The following MTUS2 variants were observed in gnomAD, a reference collection of about 807,000 sequenced individuals.
MTUS2 encodes the protein microtubule-associated tumor suppressor candidate 2.
A neutral mutation model predicts 114.1 loss-of-function variants in MTUS2; 40 were observed. The ratio of observed to expected loss-of-function variants is 0.35; its 90% CI spans 0.27 to 0.46. MTUS2 has a LOEUF of 0.46. MTUS2 is among the 20% of genes least tolerant of loss of function. The pLI is 1.00. For synonymous variants in MTUS2, 688 were observed against 672.0 expected (o/e 1.02, Z -0.37); for missense variants, 1,679 against 1,705.4 (o/e 0.98, Z 0.27).
intron 2 of MTUS2, among the ~76,000 whole-genome samples, chr13:28,862,266 A>G (rs1420083052): frequency 1.3e-5 from 2 of 152,224 alleles, no homozygotes; most frequent in African/African-American, 4.8e-5. Flanking sequence ...ATGATTACAT[A>G]GTAAATTAAC....
chr13:29,044,727 C>T (rs979642236), intron 4 of MTUS2, among the ~76,000 whole-genome samples: 8 of 152,288 alleles, frequency 5.3e-5, no homozygotes, highest in South Asian at 2.1e-4. Flanking sequence ...TTTACTAACT[C>T]ACAATTCTGT....
At chr13:29,311,828 TC>T (rs1174134461) in intron 6 of MTUS2, among the ~76,000 whole-genome samples, 1 of 152,172 alleles carries the variant, frequency 6.6e-6, no homozygotes, top group African/African-American at 2.4e-5. Flanking sequence ...TCAAAGGTAG[TC>T]TTATTTAGCC....
At chr13:29,079,372 C>G (rs917345190) in intron 4 of MTUS2, among the ~76,000 whole-genome samples, 1 of 151,858 alleles carries the variant, frequency 6.6e-6, no homozygotes, top group Non-Finnish European at 1.5e-5. Context: ...GTTTTTTTCT[C>G]TTTTTTGATA....
chr13:29,147,473 C>T (rs1892485220), intron 5 of MTUS2, among the ~76,000 whole-genome samples: 1 of 152,090 alleles, frequency 6.6e-6, no homozygotes, highest in Non-Finnish European at 1.5e-5. Flanking sequence ...GGTACATGTA[C>T]AGGTTTGTTA....
In MTUS2 at chr13:28,949,295, G is replaced by GGCAGC. The variant is rs1470929688; in HGVS notation, c.-242-75162_-242-75161insGCAGC. Among the ~76,000 whole-genome samples, 1,313 of 152,290 alleles carry GGCAGC rather than the reference G, an allele frequency of 8.6e-3. 16 individuals are homozygous for GGCAGC. The highest frequency in any genetic ancestry group is 0.029 in the African/African-American group (1,209 of 41,554). ...ATGGGCAGCTAGTTTACCCTGAATG[G>GGCAGC]TAGCCAGTGGCCTGCCTTGGGGCTC... is the stretch of plus-strand genomic sequence containing the variant. On this transcript the variant is annotated intron_variant, in intron 2 of 15. Transcript: ENST00000612955.
intron 9 of MTUS2, among the ~76,000 whole-genome samples, chr13:29,449,222 C>T (rs554147640): frequency 2.0e-4 from 30 of 152,194 alleles, no homozygotes; most frequent in African/African-American, 4.8e-4. Context: ...TTGATATTAA[C>T]GTATGGTAGG....
At position 29,437,367 on chromosome 13, in the gene MTUS2, T is replaced by G. The variant is rs182303124; in HGVS notation, c.3118-2616T>G. On this transcript the variant is annotated intron_variant, in intron 8 of 15. Coordinates refer to ENST00000612955, the MANE Select transcript of MTUS2 (RefSeq NM_001033602.4). ...GAACGTGTTTAGGAATTAGAGAATA[T>G]GAGTATTCAGAACTATTCTTGACAG... Among the ~76,000 whole-genome samples the G allele has an allele frequency of 1.6e-3, 238 of 152,286 alleles. 1 individual carries two copies. Among genetic ancestry groups the G allele is most frequent in the African/African-American group, 5.3e-3 (220 of 41,560 alleles).
Position 29,083,625 on chromosome 13 carries a change from A to G in MTUS2, c.2447-17148A>G, listed in dbSNP as rs1051710694. On this transcript the variant is annotated intron_variant, in intron 4 of 15. Coordinates refer to ENST00000612955, the MANE Select transcript of MTUS2 (RefSeq NM_001033602.4). ...TAGCACTATGGCATTAAGGTTACAT[A>G]ATCCACTGTGTAGTGTCATTCATTC... Among the ~76,000 whole-genome samples the G allele has an allele frequency of 3.3e-5, 5 of 152,326 alleles. No individual in the cohort carries two copies. The East Asian group carries it at 9.6e-4, about 29-fold the overall frequency.
intron 7 of MTUS2, among the ~76,000 whole-genome samples, chr13:29,349,416 G>GAC (rs1479432065): frequency 6.6e-6 from 1 of 151,896 alleles, no homozygotes; most frequent in African/African-American, 2.4e-5. Context: ...TCAACACTCA[G>GAC]TTTTCTTTTA....
chr13:29,448,188 A>G (rs540410482), intron 9 of MTUS2, among the ~76,000 whole-genome samples: 26 of 152,128 alleles, frequency 1.7e-4, no homozygotes, highest in African/African-American at 6.0e-4. Flanking sequence ...ACTCCACCAG[A>G]CAGAAAACAT....
At chr13:28,948,702 T>C (rs975890698) in intron 2 of MTUS2, among the ~76,000 whole-genome samples, 2 of 152,202 alleles carry the variant, frequency 1.3e-5, no homozygotes, top group South Asian at 2.1e-4. Context: ...GATGGAGTTA[T>C]AATGTATGGT....
rs139436559 is a variant in MTUS2 at position 29,163,477 on chromosome 13, A to G, written c.2644+62507A>G. Among the ~76,000 whole-genome samples, 117 of 152,044 alleles carry G rather than the reference A, an allele frequency of 7.7e-4. 1 individual carries two copies. The highest frequency in any genetic ancestry group is 2.7e-3 in the African/African-American group (114 of 41,462). ...CTGACAAGTGTCTGTAGGAACACAC[A>G]TTTTTTTCCTTTTGCCTCATGTTCC... is the stretch of plus-strand genomic sequence containing the variant. On this transcript the variant is annotated intron_variant, in intron 5 of 15. Coordinates refer to ENST00000612955, the MANE Select transcript of MTUS2 (RefSeq NM_001033602.4).
At chr13:29,060,687 C>A in intron 4 of MTUS2, among the ~76,000 whole-genome samples, 1 of 150,960 alleles carries the variant, frequency 6.6e-6, no homozygotes, top group East Asian at 2.0e-4. Flanking sequence ...AGACTATTTA[C>A]ATTTAATGAA....
chr13:28,851,825 C>CG (rs1265052285), intron 2 of MTUS2, among the ~76,000 whole-genome samples: 1 of 140,706 alleles, frequency 7.1e-6, no homozygotes, highest in Non-Finnish European at 1.6e-5. Flanking sequence ...GACTTAGCGC[C>CG]CAGCTTGGCC....
intron 5 of MTUS2, among the ~76,000 whole-genome samples, chr13:29,206,001 G>C (rs1264809969): frequency 6.6e-6 from 1 of 152,126 alleles, no homozygotes; most frequent in Non-Finnish European, 1.5e-5. Flanking sequence ...TTCCATAGTG[G>C]TTTGTACTAG....
chr13:29,333,890 A>G (rs1268467566), intron 7 of MTUS2, among the ~76,000 whole-genome samples: 1 of 152,182 alleles, frequency 6.6e-6, no homozygotes, highest in Non-Finnish European at 1.5e-5. Context: ...GAGCATATGT[A>G]TTTAGAATGG....
At chr13:29,014,542 T>G (rs932664635) in intron 2 of MTUS2, among the ~76,000 whole-genome samples, 1 of 152,084 alleles carries the variant, frequency 6.6e-6, no homozygotes. Flanking sequence ...AATGAACCAA[T>G]AAACAAACAC....
chr13:29,151,577 A>G (rs530494601), intron 5 of MTUS2, among the ~76,000 whole-genome samples: 1 of 152,264 alleles, frequency 6.6e-6, no homozygotes, highest in African/African-American at 2.4e-5. Flanking sequence ...ACATGTTGAA[A>G]AAGAATGATG....
chr13:29,051,017 C>T (rs868595366), intron 4 of MTUS2, among the ~76,000 whole-genome samples: 4 of 152,148 alleles, frequency 2.6e-5, no homozygotes, highest in Non-Finnish European at 5.9e-5. Context: ...ATATTAATTC[C>T]AAAACCCCAC....
Sources: gnomAD v4.1 joint callset for allele counts (sites outside exome capture counted in the v4.1 genomes callset) on GRCh38, gnomAD v4.1.1 for gene constraint, MANE v1.5 for transcripts, NCBI Gene and HGNC (gene_info 2026-07-23, HGNC 2026-07-21) for gene names.